The following SLC25A30 variants were observed in gnomAD, a reference collection of about 807,000 sequenced individuals.
The protein encoded by SLC25A30 is solute carrier family 25 member 30, also known as kidney mitochondrial carrier protein 1.
In SLC25A30, 29 loss-of-function variants were observed where a neutral mutation model predicts 42.7. That is an observed-to-expected ratio of 0.68 (90% CI 0.51 to 0.93). The LOEUF is 0.93. Among genes scored for constraint, SLC25A30 ranks in the 40% least tolerant of loss-of-function variants. The probability of loss-of-function intolerance (pLI) is 0.00; values close to 1 mark genes in which losing one functional copy is unlikely to be tolerated. For synonymous variants in SLC25A30, 124 were observed against 131.0 expected (o/e 0.95, Z 0.37); for missense variants, 300 against 359.7 (o/e 0.83, Z 1.34).
chr13:45,405,862 G>A, intron 4 of SLC25A30, 21 bp downstream of exon 4: 2 of 1,612,134 alleles, frequency 1.2e-6, no homozygotes, highest in Non-Finnish European at 1.7e-6. Flanking sequence ...GTCCACAGTG[G>A]AAAACAGATT....
Position 45,393,706 on chromosome 13 carries a change from ATT to A in SLC25A30, c.*2266_*2267del. 2 of 985,438 alleles carry A rather than the reference ATT, an allele frequency of 2.0e-6. No individual in the cohort carries two copies. The highest frequency in any genetic ancestry group is 5.2e-4 in the Middle Eastern group (1 of 1,914). 61.0% of individuals were successfully genotyped at this position (985,438 alleles called of 1,614,324 possible). On this transcript the variant is annotated 3_prime_UTR_variant, in exon 10 of 10. Transcript: ENST00000519676. ...TGTTTCTTGGTTAGAAGCTTCAACA[ATT>A]GCATTAACTCTTTCAAAAAAACAGA...
chr13:45,424,676 G>GAA, the SLC25A30 span, among the ~76,000 whole-genome samples: 1 of 41,058 alleles, frequency 2.4e-5, no homozygotes, highest in African/African-American at 1.2e-4. Context: ...AATATATATA[G>GAA]TTATATATAG....
At chr13:45,420,358 A>G (rs1312905905), upstream of SLC25A30, 1 of 152,056 alleles carries the variant, frequency 6.6e-6, no homozygotes, top group Non-Finnish European at 1.5e-5. Flanking sequence ...TAAAATTTGG[A>G]CCCCTTTGAA....
At chr13:45,404,551 G>A in intron 4 of SLC25A30, 139 bp from the exon 5 acceptor site, 1 of 652,998 alleles carries the variant, frequency 1.5e-6, no homozygotes, top group East Asian at 2.8e-5. Context: ...GGGCATGGTA[G>A]CTCACATCTG....
chr13:45,398,137 A>G lies in SLC25A30; in HGVS notation c.754-799T>C, dbSNP rs566380240. The G allele has an allele frequency of 2.2e-5, 17 of 756,014 alleles. No individual in the cohort carries two copies. The African/African-American group carries it at 3.2e-4, about 14-fold the overall frequency. The allele number at this position is 756,014 out of a possible 1,614,324, so 46.8% of individuals were successfully genotyped here. A position where few individuals can be genotyped will look rare whatever the true frequency, so the allele number is the denominator to read the frequency against. ...AAAGTGGCCCCTGTAGCCATAAAAA[A>G]GAAATCACGTTCTTTGCAGCAACAT... On this transcript the variant is annotated intron_variant, in intron 8 of 9. Coordinates refer to ENST00000519676, the MANE Select transcript of SLC25A30 (RefSeq NM_001010875.4).
At chr13:45,423,799 T>TAA in the SLC25A30 span, among the ~76,000 whole-genome samples, 783 of 65,800 alleles carry the variant, frequency 0.012, 24 homozygotes, top group African/African-American at 0.043. Flanking sequence ...TATAAATATA[T>TAA]ATTTATATAT....
At chr13:45,432,489 C>G in the SLC25A30 span, among the ~76,000 whole-genome samples, 1 of 152,068 alleles carries the variant, frequency 6.6e-6, no homozygotes, top group African/African-American at 2.4e-5. Flanking sequence ...ACATCTCTTT[C>G]ATCTTCTAAA....
intron 3 of SLC25A30, among the ~76,000 whole-genome samples, chr13:45,406,768 G>A (rs1882550931): frequency 6.6e-6 from 1 of 152,156 alleles, no homozygotes; most frequent in Non-Finnish European, 1.5e-5. Flanking sequence ...TGCAGTGTGT[G>A]CCACTGTTTA....
the SLC25A30 span, among the ~76,000 whole-genome samples, chr13:45,423,868 A>G: frequency 1.4e-5 from 1 of 69,394 alleles, no homozygotes; most frequent in Non-Finnish European, 2.7e-5. Flanking sequence ...ATAAATATAT[A>G]TAAAATATAT....
the SLC25A30 span, among the ~76,000 whole-genome samples, chr13:45,426,730 T>C: frequency 6.6e-6 from 1 of 152,182 alleles, no homozygotes; most frequent in African/African-American, 2.4e-5. Flanking sequence ...ATTCTCTTAA[T>C]ACAATCAGTA....
intron 5 of SLC25A30, 138 bp from the exon 6 acceptor site, chr13:45,402,508 T>G: frequency 1.4e-6 from 1 of 692,442 alleles, no homozygotes; most frequent in Non-Finnish European, 2.4e-6. Context: ...ATATAAATAC[T>G]GCTATGATGC....
At chr13:45,425,603 T>TAA in the SLC25A30 span, among the ~76,000 whole-genome samples, 1 of 67,974 alleles carries the variant, frequency 1.5e-5, no homozygotes, top group African/African-American at 7.7e-5. Flanking sequence ...TATACATATA[T>TAA]ATATACATAT....
chr13:45,401,146 T>C lies in SLC25A30; in HGVS notation c.551A>G (p.Asp184Gly). ...GAGAATAAGATGCTTCTTGGTGATG[T>C]CATAGACCGGCAGCTCCACACCAAC... ...IVVGVELPVY[D>G]ITKKHLILSG... Residue 184 changes from aspartate (D) to glycine (G), a missense_variant, in exon 7 of 10, where the codon GAC (aspartate) becomes GGC (glycine). Asp to Gly is a moderately conservative substitution (Grantham distance 94). Transcript: ENST00000519676. The C allele has an allele frequency of 1.9e-6, 3 of 1,613,988 alleles. No homozygotes were observed.
chr13:45,424,811 AATATAAATATATAAAAATATATAT>A, the SLC25A30 span, among the ~76,000 whole-genome samples: 1 of 54,390 alleles, frequency 1.8e-5, no homozygotes, highest in South Asian at 5.3e-4. Context: ...TATATAAAAA[AATATAAATATATAAAAATATATAT>A]ATAAAAATAT....
the SLC25A30 span, among the ~76,000 whole-genome samples, chr13:45,424,670 T>A: frequency 1.4e-5 from 1 of 73,628 alleles, no homozygotes; most frequent in Non-Finnish European, 2.5e-5. Flanking sequence ...TATAGAAATA[T>A]ATATAGTTAT....
chr13:45,411,304 C>T (rs1883001352), intron 2 of SLC25A30, 58 bp downstream of exon 2: 1 of 1,219,412 alleles, frequency 8.2e-7, no homozygotes, highest in Admixed American at 1.7e-5. Flanking sequence ...GAACTACATT[C>T]ACATCAAACA....
At chr13:45,424,115 A>C in the SLC25A30 span, among the ~76,000 whole-genome samples, 1 of 99,010 alleles carries the variant, frequency 1.0e-5, no homozygotes, top group Non-Finnish European at 1.8e-5. Flanking sequence ...AAATATATAT[A>C]AATATATATA....
chr13:45,431,077 C>T, the SLC25A30 span, among the ~76,000 whole-genome samples: 1 of 151,988 alleles, frequency 6.6e-6, no homozygotes, highest in African/African-American at 2.4e-5. Context: ...GATGGAGTTT[C>T]GCTCTTGTTG....
Position 45,397,493 on chromosome 13 carries a change from C to T in SLC25A30, c.754-155G>A, listed in dbSNP as rs1049452877. ...GGATCACCAGGTCAGGAGATCAAGACCATCCTGGCTAATGCAGTGAAACCC... is the reference window on the plus strand; with the variant it reads ...GGATCACCAGGTCAGGAGATCAAGATCATCCTGGCTAATGCAGTGAAACCC... On this transcript the variant is annotated intron_variant, in intron 8 of 9. Transcript: ENST00000519676. 3.9e-5 allele frequency: 22 copies of T among 568,134 alleles called. No homozygotes were observed. The African/African-American group carries it at 4.0e-4, about 10-fold the overall frequency. The allele number at this position is 568,134 out of a possible 1,614,324, so 35.2% of individuals were successfully genotyped here. A position where few individuals can be genotyped will look rare whatever the true frequency, so the allele number is the denominator to read the frequency against.
Sources: allele counts gnomAD v4.1 joint callset (sites outside exome capture counted in the v4.1 genomes callset), GRCh38; gene constraint gnomAD v4.1.1; transcripts MANE v1.5; gene names NCBI Gene and HGNC (gene_info 2026-07-23, HGNC 2026-07-21).